The following GIPR variants were observed in gnomAD, a reference collection of about 807,000 sequenced individuals.
GIPR encodes the protein gastric inhibitory polypeptide receptor.
Under a neutral mutation model 62.2 loss-of-function variants are expected in GIPR, and 74 were observed. The observed-to-expected ratio is 1.19, with a 90% CI of 0.99 to 1.44. GIPR has a LOEUF of 1.44. Among genes scored for constraint, GIPR ranks in the 40% most tolerant of loss-of-function variants. The pLI, the probability that GIPR is intolerant of heterozygous loss-of-function variation, is 0.00. For synonymous variants in GIPR, 256 were observed against 262.2 expected (o/e 0.98, Z 0.23); for missense variants, 664 against 611.8 (o/e 1.09, Z -0.90).
intron 3 of GIPR, 91 bp from the exon 4 acceptor site, chr19:45,671,194 C>T: frequency 1.2e-6 from 1 of 808,824 alleles, no homozygotes; most frequent in Non-Finnish European, 2.2e-6. Flanking sequence ...ACTTGGCCCA[C>T]TGCGGAGAAG....
chr19:45,669,608 G>T lies in GIPR; in HGVS notation c.72+16G>T, dbSNP rs770450183. On this transcript the variant is annotated intron_variant, in intron 2 of 13. Coordinates refer to ENST00000590918, the MANE Select transcript of GIPR (RefSeq NM_000164.4). Reference sequence around the variant, plus strand: ...GAGGGCGGAGGTGAGGAAGCGAGGAGCCAGAGGAGCTCCAGGCTTGGAGGG... The same window carrying T: ...GAGGGCGGAGGTGAGGAAGCGAGGATCCAGAGGAGCTCCAGGCTTGGAGGG... 6.4e-7 allele frequency: 1 copy of T among 1,569,456 alleles called. No homozygotes were observed. Among genetic ancestry groups the T allele is most frequent in the Non-Finnish European group, 8.6e-7 (1 of 1,161,456 alleles).
At chr19:45,669,791 A>C (rs2146063118) in intron 2 of GIPR, among the ~76,000 whole-genome samples, 199 bp downstream of exon 2, 1 of 151,978 alleles carries the variant, frequency 6.6e-6, no homozygotes, top group East Asian at 2.0e-4. Context: ...ACTAAAAAAA[A>C]TACAAAAATT....
intron 12 of GIPR, among the ~76,000 whole-genome samples, chr19:45,680,839 CAAAAAAAAA>C (rs10561788): frequency 9.0e-6 from 1 of 111,456 alleles, no homozygotes; most frequent in Admixed American, 1.0e-4. Flanking sequence ...TCCCTGTCTC[CAAAAAAAAA>C]AAAAAAAAAA....
chr19:45,672,205 A>G (rs1315410965), intron 4 of GIPR, among the ~76,000 whole-genome samples: 1 of 148,524 alleles, frequency 6.7e-6, no homozygotes, highest in African/African-American at 2.5e-5. Context: ...TGGCAGTGAC[A>G]GAGTCTTGCC....
intron 11 of GIPR, 34 bp downstream of exon 11, chr19:45,678,028 G>T: frequency 2.5e-6 from 4 of 1,612,054 alleles, no homozygotes; most frequent in Non-Finnish European, 3.4e-6. Context: ...AGGGGAAGGG[G>T]CCGGGTGCGA....
Position 45,674,782 on chromosome 19 carries a change from C to T in GIPR, c.589C>T (p.Pro197Ser). 1 of 1,614,018 alleles carries T rather than the reference C, an allele frequency of 6.2e-7. No individual in the cohort carries two copies. Among genetic ancestry groups the T allele is most frequent in the Non-Finnish European group, 8.5e-7 (1 of 1,179,970 alleles). The change falls in exon 7 of 14, where the codon CCT (proline) becomes TCT (serine). Residue 197 changes from proline (P) to serine (S), a missense_variant. Coordinates refer to ENST00000590918, the MANE Select transcript of GIPR (RefSeq NM_000164.4). The stretch of plus-strand genomic sequence containing the variant: ...CAGCCGAGACCGTCTGCTACCTCGA[C>T]CTGGCCCCTACCTTGGGGACCAGGC... ...ILSRDRLLPRPGPYLGDQALA... is the reference protein window; with the variant it reads ...ILSRDRLLPRSGPYLGDQALA...
intron 2 of GIPR, 50 bp downstream of exon 2, chr19:45,669,642 G>A: frequency 6.5e-7 from 1 of 1,543,022 alleles, no homozygotes; most frequent in Non-Finnish European, 8.7e-7. Context: ...GGAGGTATGG[G>A]GACGGTTTTA....
At chr19:45,670,605 G>T (rs544957328) in intron 2 of GIPR, 30 bp from the exon 3 acceptor site, 8 of 1,506,114 alleles carry the variant, frequency 5.3e-6, no homozygotes, top group Admixed American at 5.2e-5. Flanking sequence ...GGGTCGGTCT[G>T]GGGGGGTCCT....
intron 12 of GIPR, among the ~76,000 whole-genome samples, chr19:45,678,563 A>C (rs1447046474): frequency 6.6e-6 from 1 of 152,022 alleles, no homozygotes; most frequent in Non-Finnish European, 1.5e-5. Context: ...GGGTTTCACC[A>C]TGTTGGCCAG....
chr19:45,681,693 G>C, intron 13 of GIPR, 36 bp from the exon 14 acceptor site: 1 of 1,611,080 alleles, frequency 6.2e-7, no homozygotes. Context: ...GGCAGCGCGG[G>C]GTACGGCGCC....
chr19:45,674,426 A>G (rs745503731), intron 6 of GIPR: 7 of 630,148 alleles, frequency 1.1e-5, no homozygotes, highest in Non-Finnish European at 1.7e-5. Flanking sequence ...TGGGCAATAT[A>G]GTGAAACCTT....
Position 45,681,998 on chromosome 19 carries a change from G to A in GIPR, c.*63G>A. 2 of 1,360,282 alleles carry A rather than the reference G, an allele frequency of 1.5e-6. No homozygotes were observed. The highest frequency in any genetic ancestry group is 2.0e-5 in the Admixed American group (1 of 50,444). 84.3% of individuals were successfully genotyped at this position (1,360,282 alleles called of 1,614,324 possible). ...TTATTGAGTGCCAACTGCGTGCCAGGCCCAGTACGGAGGACGCTGGGGAAA... is the reference window on the plus strand; with the variant it reads ...TTATTGAGTGCCAACTGCGTGCCAGACCCAGTACGGAGGACGCTGGGGAAA... On this transcript the variant is annotated 3_prime_UTR_variant, in exon 14 of 14. Coordinates refer to ENST00000590918, the MANE Select transcript of GIPR (RefSeq NM_000164.4).
chr19:45,674,978 A>C (rs773107442), intron 7 of GIPR, 152 bp downstream of exon 7: 1 of 759,716 alleles, frequency 1.3e-6, no homozygotes, highest in South Asian at 1.5e-5. Flanking sequence ...TGGGGGATCA[A>C]GACACATTTG....
In GIPR at chr19:45,682,563, CTTT is replaced by C. The variant is rs757416626; in HGVS notation, c.*642_*644del. ...TACAGGCGTGAGCCACCGCACCCGG[CTTT>C]TTTTTTTTTTTTTAAACGGAGTCTC... is the stretch of plus-strand genomic sequence containing the variant. On this transcript the variant is annotated 3_prime_UTR_variant, in exon 14 of 14. Transcript: ENST00000590918. 24 of 138,308 alleles carry C rather than the reference CTTT, an allele frequency of 1.7e-4. No individual in the cohort carries two copies. Among genetic ancestry groups the C allele is most frequent in the African/African-American group, 5.6e-4 (21 of 37,676 alleles). The allele number at this position is 138,308 out of a possible 1,614,324, so 8.6% of individuals were successfully genotyped here. A position where few individuals can be genotyped will look rare whatever the true frequency, so the allele number is the denominator to read the frequency against.
rs761433216 is a variant in GIPR at position 45,677,058 on chromosome 19, T to C, written c.743T>C (p.Val248Ala). 2 of 1,614,046 alleles carry C rather than the reference T, an allele frequency of 1.2e-6. No individual in the cohort carries two copies. The highest frequency in any genetic ancestry group is 4.5e-5 in the East Asian group (2 of 44,870). The change falls in exon 8 of 14, where the codon GTG becomes GCG. Residue 248 changes from valine to alanine, a missense_variant. Physicochemically the swap from Val to Ala is moderately conservative, Grantham distance 64. Coordinates refer to ENST00000590918, the MANE Select transcript of GIPR (RefSeq NM_000164.4). ...GVYLHSLLVL[V>A]GGSEEGHFRY... ...TACCTGCACAGTCTCCTGGTGCTCG[T>C]GGGAGGCTCCGAGGAGGGCCACTTC...
rs909272949 is a variant in GIPR at position 45,674,190 on chromosome 19, C to A, written c.488+13C>A. On this transcript the variant is annotated intron_variant, in intron 6 of 13. Coordinates refer to ENST00000590918, the MANE Select transcript of GIPR (RefSeq NM_000164.4). ...TGAGTTTGTTCAGGTGGGACCTTAA[C>A]CCTGAGTGGTGGCGGCAGAGATGTG... The A allele has an allele frequency of 1.9e-6, 3 of 1,552,432 alleles. No homozygotes were observed. Among genetic ancestry groups the A allele is most frequent in the African/African-American group, 2.7e-5 (2 of 73,658 alleles).
In GIPR at chr19:45,669,448, G is replaced by A. The variant is rs569148832; in HGVS notation, c.-44-29G>A. On this transcript the variant is annotated intron_variant, in intron 1 of 13. Transcript: ENST00000590918. ...GCTGGGGTTGGAGTAGGAGGGCAGA[G>A]GTGCTGACCTTGCCCTGGGACCCTC... 4.6e-6 allele frequency: 7 copies of A among 1,536,764 alleles called. No homozygotes were observed. In the South Asian group the frequency reaches 4.8e-5, roughly 10 times the overall value.
chr19:45,669,736 A>G (rs1024771738), intron 2 of GIPR, 144 bp downstream of exon 2: 3 of 1,102,476 alleles, frequency 2.7e-6, no homozygotes, highest in African/African-American at 3.1e-5. Context: ...ACTTGAGGCC[A>G]GGAGTTCGAG....
chr19:45,669,628 G>A (rs1237071665), intron 2 of GIPR, 36 bp downstream of exon 2: 1 of 1,552,682 alleles, frequency 6.4e-7, no homozygotes, highest in East Asian at 2.3e-5. Context: ...CTCCAGGCTT[G>A]GAGGGAGGTA....
Sources: allele counts gnomAD v4.1 joint callset (sites outside exome capture counted in the v4.1 genomes callset), GRCh38; gene constraint gnomAD v4.1.1; transcripts MANE v1.5; gene names NCBI Gene and HGNC (gene_info 2026-07-23, HGNC 2026-07-21).